SMOC2: variants seen among roughly 807,000 people sequenced by gnomAD.
SMOC2 encodes the protein SPARC-related modular calcium-binding protein 2.
In SMOC2, 39 loss-of-function variants were observed where a neutral mutation model predicts 61.4. The ratio of observed to expected loss-of-function variants is 0.64; its 90% confidence interval spans 0.49 to 0.83. The LOEUF (loss-of-function observed/expected upper bound fraction) is 0.83, where lower values mean the gene tolerates loss of function less well. Ranked by LOEUF, SMOC2 falls within the 40% of genes least tolerant of loss-of-function variation. The pLI is 0.00. For synonymous variants in SMOC2, 247 were observed against 239.9 expected, an observed-to-expected ratio of 1.03 and a Z score of -0.27; for missense variants, 556 against 592.9, an observed-to-expected ratio of 0.94 and a Z score of 0.65.
At chr6:168,552,770 A>G (rs1232924965) in intron 7 of SMOC2, among the ~76,000 whole-genome samples, 1 of 152,164 alleles carries the variant, frequency 6.6e-6, no homozygotes, top group Non-Finnish European at 1.5e-5. Context: ...TCTGTAAGTC[A>G]GGCAGAATTC....
intron 11 of SMOC2, among the ~76,000 whole-genome samples, chr6:168,658,023 G>A (rs1304287116): frequency 3.3e-5 from 5 of 152,288 alleles, no homozygotes; most frequent in African/African-American, 7.2e-5. Context: ...CAGGATCCCA[G>A]AAGACAAATG....
At chr6:168,494,753 G>A (rs1056326635) in intron 1 of SMOC2, among the ~76,000 whole-genome samples, 2 of 152,272 alleles carry the variant, frequency 1.3e-5, no homozygotes, top group East Asian at 3.9e-4. Flanking sequence ...GTGAACCCTC[G>A]GCTGGAGCAG....
In SMOC2 at chr6:168,543,593, A is replaced by C. The variant is rs9456178; in HGVS notation, c.464-32A>C. 7,764 of 1,604,074 alleles carry C rather than the reference A, an allele frequency of 4.8e-3. 351 individuals are homozygous for C. In the African/African-American group the frequency reaches 0.091, roughly 19 times the overall value. ...GATGGCCATTTAAGAGTCCAAAATA[A>C]TTTCATTTCACTCCTTATTTTCCTC... On this transcript the variant is annotated intron_variant, in intron 4 of 12. Transcript: ENST00000356284.
At chr6:168,537,103 G>A (rs1434168510) in intron 4 of SMOC2, among the ~76,000 whole-genome samples, 1 of 152,254 alleles carries the variant, frequency 6.6e-6, no homozygotes, top group East Asian at 1.9e-4. Flanking sequence ...GACCCTGACT[G>A]GTCCAAAGGC....
chr6:168,500,586 G>A (rs1256668645), intron 1 of SMOC2, among the ~76,000 whole-genome samples: 1 of 152,106 alleles, frequency 6.6e-6, no homozygotes, highest in African/African-American at 2.4e-5. Context: ...CGGTGATTCT[G>A]TAGGGACCCC....
chr6:168,619,658 A>G (rs565355736), intron 9 of SMOC2, among the ~76,000 whole-genome samples: 4 of 152,198 alleles, frequency 2.6e-5, no homozygotes, highest in Admixed American at 1.3e-4. Context: ...AAAACCTCCT[A>G]TAACGCAAGT....
In SMOC2 at chr6:168,477,371, C is replaced by T. The variant is rs1277445645; in HGVS notation, c.85-32544C>T. Among the ~76,000 whole-genome samples the T allele has an allele frequency of 2.0e-5, 3 of 152,172 alleles. No individual in the cohort carries two copies. In the East Asian group the frequency reaches 5.8e-4, roughly 29 times the overall value. On this transcript the variant is annotated intron_variant, in intron 1 of 12. Transcript: ENST00000356284. ...CTCTTTACCTTTTCAGTTTTCAGAG[C>T]ATGAAAAGGTATATTTGGGCTTGTA...
intron 4 of SMOC2, among the ~76,000 whole-genome samples, chr6:168,534,405 G>A (rs957713761): frequency 6.6e-6 from 1 of 152,172 alleles, no homozygotes; most frequent in African/African-American, 2.4e-5. Context: ...CTTCAGGCCG[G>A]CTTGGGAAGA....
At chr6:168,494,560 A>G (rs1239625251) in intron 1 of SMOC2, among the ~76,000 whole-genome samples, 4 of 152,246 alleles carry the variant, frequency 2.6e-5, no homozygotes, top group Non-Finnish European at 4.4e-5. Flanking sequence ...TTCACAGCCA[A>G]CAAGATAGGG....
At chr6:168,587,428 G>A (rs1296432090) in intron 7 of SMOC2, among the ~76,000 whole-genome samples, 2 of 152,204 alleles carry the variant, frequency 1.3e-5, no homozygotes, top group Non-Finnish European at 2.9e-5. Context: ...GCACAGCTTG[G>A]TTTCATGTGT....
intron 7 of SMOC2, among the ~76,000 whole-genome samples, chr6:168,590,657 T>G (rs1182807229): frequency 1.3e-5 from 2 of 152,222 alleles, no homozygotes; most frequent in Admixed American, 1.3e-4. Context: ...GAGACTTCAT[T>G]TTTAGAATGC....
At chr6:168,602,092 G>A (rs546853399) in intron 8 of SMOC2, among the ~76,000 whole-genome samples, 1 of 152,230 alleles carries the variant, frequency 6.6e-6, no homozygotes, top group Non-Finnish European at 1.5e-5. Context: ...CTCTTTCAGG[G>A]ACTGAGGAAA....
intron 7 of SMOC2, among the ~76,000 whole-genome samples, chr6:168,572,927 A>C (rs1293490418): frequency 1.0e-5 from 1 of 97,310 alleles, no homozygotes; most frequent in East Asian, 3.3e-4. Context: ...TCCTCCCCGC[A>C]TCCCCTGGTG....
intron 7 of SMOC2, among the ~76,000 whole-genome samples, chr6:168,562,486 C>G (rs956824710): frequency 6.6e-6 from 1 of 151,642 alleles, no homozygotes; most frequent in East Asian, 1.9e-4. Flanking sequence ...AGACACGAGG[C>G]TCTGACTGCG....
chr6:168,632,852 A>G (rs567843726), intron 9 of SMOC2, among the ~76,000 whole-genome samples: 43 of 152,164 alleles, frequency 2.8e-4, no homozygotes, highest in Non-Finnish European at 4.7e-4. Context: ...CCCTAAAGCT[A>G]TTGAACCAGA....
intron 9 of SMOC2, among the ~76,000 whole-genome samples, chr6:168,638,537 C>G (rs1371805054): frequency 1.3e-5 from 2 of 152,158 alleles, no homozygotes; most frequent in Non-Finnish European, 2.9e-5. Context: ...GGAATGCTTT[C>G]AGCGAGAGGG....
At chr6:168,454,413 G>T (rs1369400947) in intron 1 of SMOC2, among the ~76,000 whole-genome samples, 1 of 151,994 alleles carries the variant, frequency 6.6e-6, no homozygotes, top group Non-Finnish European at 1.5e-5. Flanking sequence ...ATGCTTTCTG[G>T]GTTTTCCAGG....
At chr6:168,584,908 T>C (rs1785015003) in intron 7 of SMOC2, among the ~76,000 whole-genome samples, 1 of 152,178 alleles carries the variant, frequency 6.6e-6, no homozygotes, top group Admixed American at 6.5e-5. Context: ...CATCTCCCAG[T>C]TGATGCCCCC....
chr6:168,626,259 C>T (rs1375752323), intron 9 of SMOC2, among the ~76,000 whole-genome samples: 3 of 152,180 alleles, frequency 2.0e-5, no homozygotes, highest in Non-Finnish European at 4.4e-5. Flanking sequence ...GTTTCTGCTC[C>T]CTGTGCAGAA....
Sources: gnomAD v4.1 joint callset for allele counts (sites outside exome capture counted in the v4.1 genomes callset) on GRCh38, gnomAD v4.1.1 for gene constraint, MANE v1.5 for transcripts, NCBI Gene and HGNC (gene_info 2026-07-23, HGNC 2026-07-21) for gene names.